Variants in DEPTOR observed in about 807,000 individuals in gnomAD.
DEPTOR encodes the protein DEP domain containing MTOR interacting protein.
DEPTOR carries 41 observed loss-of-function variants against 41.6 expected under a neutral mutation model. The observed-to-expected ratio is 0.98, with a 90% CI of 0.77 to 1.28. The LOEUF is 1.28. DEPTOR is among the 50% of genes most tolerant of loss of function. The pLI, the probability that DEPTOR is intolerant of heterozygous loss-of-function variation, is 0.00. For missense variants in DEPTOR, 514 were observed against 527.9 expected, an observed-to-expected ratio of 0.97 and a Z score of 0.26; for synonymous variants, 195 against 192.3, an observed-to-expected ratio of 1.01 and a Z score of -0.12.
chr8:119,920,654 A>G (rs890047049), intron 1 of DEPTOR, among the ~76,000 whole-genome samples: 4 of 152,194 alleles, frequency 2.6e-5, no homozygotes, highest in Admixed American at 6.5e-5. Flanking sequence ...GGTGAGAGAG[A>G]CAAGGAAGCT....
chr8:120,049,302 T>C (rs569173812), intron 8 of DEPTOR, among the ~76,000 whole-genome samples: 33 of 152,056 alleles, frequency 2.2e-4, no homozygotes, highest in Non-Finnish European at 4.0e-4. Context: ...AATACCTAGC[T>C]AGTATTTAAA....
chr8:119,994,159 A>G (rs1812219482), intron 4 of DEPTOR, among the ~76,000 whole-genome samples: 1 of 152,028 alleles, frequency 6.6e-6, no homozygotes, highest in Non-Finnish European at 1.5e-5. Flanking sequence ...GAAAAAGAAA[A>G]AAAAAATCAG....
intron 1 of DEPTOR, among the ~76,000 whole-genome samples, chr8:119,889,292 A>T (rs1827415588): frequency 1.3e-5 from 2 of 151,794 alleles, no homozygotes; most frequent in South Asian, 4.2e-4. Flanking sequence ...CACGTCTGTG[A>T]TCCCAGCACT....
intron 1 of DEPTOR, among the ~76,000 whole-genome samples, chr8:119,891,659 C>T (rs549217664): frequency 6.6e-6 from 1 of 152,224 alleles, no homozygotes; most frequent in Non-Finnish European, 1.5e-5. Flanking sequence ...AAGATTTGCT[C>T]AGTAATAAAG....
At chr8:119,963,253 G>T (rs1003581040) in intron 3 of DEPTOR, among the ~76,000 whole-genome samples, 1 of 152,176 alleles carries the variant, frequency 6.6e-6, no homozygotes, top group African/African-American at 2.4e-5. Context: ...GGATGGCTGA[G>T]TAAGAGGTAG....
At chr8:119,887,185 T>C (rs1586598605) in intron 1 of DEPTOR, among the ~76,000 whole-genome samples, 1 of 101,594 alleles carries the variant, frequency 9.8e-6, no homozygotes, top group African/African-American at 3.8e-5. Context: ...TTCCCTTCCC[T>C]TCTTTCTGGA....
chr8:119,909,375 A>G (rs1456000024), intron 1 of DEPTOR, among the ~76,000 whole-genome samples: 1 of 152,162 alleles, frequency 6.6e-6, no homozygotes, highest in East Asian at 1.9e-4. Flanking sequence ...TGGCTTAATG[A>G]GTGCTGTATT....
At chr8:120,045,744 G>T (rs898277641) in intron 8 of DEPTOR, among the ~76,000 whole-genome samples, 1 of 152,166 alleles carries the variant, frequency 6.6e-6, no homozygotes. Context: ...TTCAATGTCA[G>T]ATCATTTTGG....
rs141413416 is a variant in DEPTOR, at chr8:120,049,656, G to A, written c.1182G>A (p.Thr394=). 58 of 1,613,758 alleles carry A rather than the reference G, an allele frequency of 3.6e-5. No individual in the cohort carries two copies. The African/African-American group carries it at 3.9e-4, about 11-fold the overall frequency. ...DYRTVSNLIL[T]GPRTIVMEVM... is the part of the protein sequence containing the mutation. ...GGACCGTGAGCAATCTGATTCTGAC[G>A]GGCCCACGGACGATTGTCATGGAAG... is the stretch of plus-strand genomic sequence containing the variant. Residue 394 remains threonine, a synonymous_variant, in exon 9 of 9, where the codon ACG becomes ACA. Transcript: ENST00000286234.
intron 8 of DEPTOR, among the ~76,000 whole-genome samples, chr8:120,036,976 T>C (rs1812988149): frequency 6.6e-6 from 1 of 152,202 alleles, no homozygotes; most frequent in Admixed American, 6.5e-5. Flanking sequence ...ATACCTTGTG[T>C]TGGTTTTTGT....
rs1019990810 is a variant in DEPTOR at position 120,043,747 on chromosome 8, C to T, written c.1102-5829C>T. Among the ~76,000 whole-genome samples, 160 of 152,142 alleles carry T rather than the reference C, an allele frequency of 1.1e-3. 3 individuals are homozygous for T. The highest frequency in any genetic ancestry group is 1.0e-4 in the Non-Finnish European group (7 of 68,028). ...GCACTGGGGGCCAGGCATGGTAGCT[C>T]ATGCCTGCAATTCCAGCACTTTGGG... On this transcript the variant is annotated intron_variant, in intron 8 of 8. Transcript: ENST00000286234.
intron 1 of DEPTOR, among the ~76,000 whole-genome samples, chr8:119,922,734 A>T (rs2129827829): frequency 6.6e-6 from 1 of 152,234 alleles, no homozygotes; most frequent in South Asian, 2.1e-4. Context: ...ACCAGTAAAA[A>T]CTCTGATGCT....
intron 8 of DEPTOR, among the ~76,000 whole-genome samples, chr8:120,018,253 A>G (rs1444416052): frequency 1.3e-5 from 2 of 152,008 alleles, no homozygotes; most frequent in African/African-American, 4.8e-5. Context: ...TTTTTTCCCT[A>G]AGACATAGAT....
rs1410432217 is a variant in DEPTOR, at chr8:120,014,393, G to T, written c.1101+5260G>T. Among the ~76,000 whole-genome samples, 7 of 152,096 alleles carry T rather than the reference G, an allele frequency of 4.6e-5. 1 individual carries two copies. Among genetic ancestry groups the T allele is most frequent in the Non-Finnish European group, 7.3e-5 (5 of 68,044 alleles). ...ACCCTGAGCCGTGCAAGGCTCTTTCGCTACAGGAGCTCATTTAATGTCAGC... is the reference window on the plus strand; with the variant it reads ...ACCCTGAGCCGTGCAAGGCTCTTTCTCTACAGGAGCTCATTTAATGTCAGC... On this transcript the variant is annotated intron_variant, in intron 8 of 8. Transcript: ENST00000286234.
chr8:120,028,030 C>T (rs543948058), intron 8 of DEPTOR, among the ~76,000 whole-genome samples: 14 of 152,270 alleles, frequency 9.2e-5, no homozygotes, highest in South Asian at 6.2e-4. Context: ...TATGATGCTG[C>T]GTAATCCGGT....
At chr8:119,903,360 AG>A (rs1827620200) in intron 1 of DEPTOR, among the ~76,000 whole-genome samples, 1 of 152,154 alleles carries the variant, frequency 6.6e-6, no homozygotes, top group African/African-American at 2.4e-5. Flanking sequence ...GGTCTCCCAA[AG>A]TGCTGGGATT....
intron 4 of DEPTOR, 151 bp downstream of exon 4, chr8:119,965,561 A>G (rs55904025): frequency 0.033 from 31,829 of 958,106 alleles, 644 homozygotes; most frequent in African/African-American, 0.064. Flanking sequence ...TGGGGGTCAA[A>G]TTCAGGTCTG....
chr8:119,965,071 C>T (rs1336125838), intron 3 of DEPTOR, among the ~76,000 whole-genome samples, 161 bp from the exon 4 acceptor site: 1 of 152,058 alleles, frequency 6.6e-6, no homozygotes, highest in Non-Finnish European at 1.5e-5. Context: ...GAAAATCTGT[C>T]TCAAAGAAAG....
chr8:119,947,243 G>A (rs143118388), intron 3 of DEPTOR, among the ~76,000 whole-genome samples: 50 of 152,338 alleles, frequency 3.3e-4, no homozygotes, highest in African/African-American at 1.2e-3. Flanking sequence ...GGGGGACAAG[G>A]TAATTGACCA....
Sources: gnomAD v4.1 joint callset for allele counts (sites outside exome capture counted in the v4.1 genomes callset) on GRCh38, gnomAD v4.1.1 for gene constraint, MANE v1.5 for transcripts, NCBI Gene and HGNC (gene_info 2026-07-23, HGNC 2026-07-21) for gene names.